VTI1A: variants seen among roughly 807,000 people sequenced by gnomAD.
VTI1A encodes vesicle transport through interaction with t-SNAREs 1A.
A neutral mutation model predicts 34.9 loss-of-function variants in VTI1A; 22 were observed. The observed-to-expected ratio is 0.63, with a 90% CI of 0.45 to 0.90. The LOEUF is 0.90. Among genes scored for constraint, VTI1A ranks in the 40% least tolerant of loss-of-function variants. VTI1A has a pLI of 0.00. For missense variants in VTI1A, 268 were observed against 275.6 expected (o/e 0.97, Z 0.20); for synonymous variants, 87 against 97.3 (o/e 0.89, Z 0.62).
chr10:112,733,262 A>C (rs1209629575), intron 7 of VTI1A, among the ~76,000 whole-genome samples: 1 of 152,012 alleles, frequency 6.6e-6, no homozygotes, highest in Non-Finnish European at 1.5e-5. Context: ...AATTCATATG[A>C]AATTAACCAT....
rs1853497217 is a variant in VTI1A at position 112,815,639 on chromosome 10, T to C, written c.*256T>C. On this transcript the variant is annotated 3_prime_UTR_variant, in exon 8 of 8. Coordinates refer to ENST00000393077, the MANE Select transcript of VTI1A (RefSeq NM_145206.4). The stretch of plus-strand genomic sequence containing the variant: ...GAAGGTGAATGTTTATTTACCTTTT[T>C]GCTAATGTCATCAACTAGCCAAAAT... 3 of 495,910 alleles carry C rather than the reference T, an allele frequency of 6.0e-6. No individual in the cohort carries two copies. Among genetic ancestry groups the C allele is most frequent in the Admixed American group, 3.3e-5 (1 of 29,888 alleles). The allele number at this position is 495,910 out of a possible 1,614,324, so 30.7% of individuals were successfully genotyped here. A position where few individuals can be genotyped will look rare whatever the true frequency, so the allele number is the denominator to read the frequency against.
At chr10:112,843,699 G>A in the VTI1A span, among the ~76,000 whole-genome samples, 1 of 152,142 alleles carries the variant, frequency 6.6e-6, no homozygotes, top group Non-Finnish European at 1.5e-5. Flanking sequence ...AGGAAGCCGT[G>A]GGGGTCTCCA....
intron 7 of VTI1A, among the ~76,000 whole-genome samples, chr10:112,770,234 G>A (rs182862255): frequency 1.5e-3 from 233 of 152,144 alleles, no homozygotes; most frequent in Non-Finnish European, 2.8e-3. Context: ...CAGATGGCAA[G>A]TAACTGGCCT....
chr10:112,766,982 T>C (rs891092060), intron 7 of VTI1A, among the ~76,000 whole-genome samples: 1 of 152,204 alleles, frequency 6.6e-6, no homozygotes, highest in African/African-American at 2.4e-5. Context: ...CAGGTGTTAG[T>C]TATTTAAATC....
chr10:112,561,078 T>C (rs1488183336), intron 5 of VTI1A, among the ~76,000 whole-genome samples: 2 of 152,134 alleles, frequency 1.3e-5, no homozygotes, highest in Non-Finnish European at 2.9e-5. Context: ...AAAAAAAATA[T>C]TTTTTTAAAA....
chr10:112,574,302 C>G (rs546017375), intron 5 of VTI1A, among the ~76,000 whole-genome samples: 1 of 152,292 alleles, frequency 6.6e-6, no homozygotes. Context: ...GCATTTGTAG[C>G]TCAGAACAAG....
chr10:112,589,243 G>A (rs1844284164), intron 5 of VTI1A, among the ~76,000 whole-genome samples: 1 of 152,082 alleles, frequency 6.6e-6, no homozygotes, highest in Admixed American at 6.5e-5. Context: ...TGTTGTGGGA[G>A]GGACCCGAAT....
intron 7 of VTI1A, among the ~76,000 whole-genome samples, chr10:112,760,022 C>T (rs967919212): frequency 2.0e-5 from 3 of 152,200 alleles, no homozygotes; most frequent in Non-Finnish European, 4.4e-5. Context: ...CCATCTCAGC[C>T]TGGGTTGCAA....
intron 5 of VTI1A, among the ~76,000 whole-genome samples, chr10:112,617,938 G>A (rs1358634395): frequency 6.6e-6 from 1 of 152,080 alleles, no homozygotes; most frequent in African/African-American, 2.4e-5. Context: ...CTGGATTACC[G>A]AGGTCAGCGG....
Position 112,816,868 on chromosome 10 carries a change from A to G in VTI1A, c.*1485A>G, listed in dbSNP as rs1337692947. On this transcript the variant is annotated 3_prime_UTR_variant, in exon 8 of 8. Coordinates refer to ENST00000393077, the MANE Select transcript of VTI1A (RefSeq NM_145206.4). ...GTTTAGAGAGGAAATGCAGAATGGC[A>G]GAATCCACCAGAGAAATTGCACTTA... is the stretch of plus-strand genomic sequence containing the variant. 1 of 230,106 alleles carries G rather than the reference A, an allele frequency of 4.3e-6. No homozygotes were observed. Among genetic ancestry groups the G allele is most frequent in the Non-Finnish European group, 8.6e-6 (1 of 116,042 alleles). 14.3% of individuals were successfully genotyped at this position (230,106 alleles called of 1,614,324 possible).
chr10:112,641,106 T>A (rs1590012883), intron 5 of VTI1A, among the ~76,000 whole-genome samples: 1 of 144,702 alleles, frequency 6.9e-6, no homozygotes. Context: ...TGAGAGGGGG[T>A]GTAGTTGGGG....
At chr10:112,533,473 C>A in intron 4 of VTI1A, 1 of 980,814 alleles carries the variant, frequency 1.0e-6, no homozygotes, top group Non-Finnish European at 1.2e-6. Flanking sequence ...GACAACTGAT[C>A]TTTCTTTCCT....
chr10:112,589,018 C>T (rs1312667618), intron 5 of VTI1A, among the ~76,000 whole-genome samples: 16 of 129,240 alleles, frequency 1.2e-4, no homozygotes, highest in East Asian at 2.3e-4. Context: ...GACTCCTTGT[C>T]TTTTTTTTTT....
At chr10:112,750,538 G>A (rs1851064378) in intron 7 of VTI1A, among the ~76,000 whole-genome samples, 1 of 152,074 alleles carries the variant, frequency 6.6e-6, no homozygotes, top group Non-Finnish European at 1.5e-5. Flanking sequence ...TCTGTGTCTT[G>A]TGCAACACTC....
At chr10:112,744,403 G>A (rs371602421) in intron 7 of VTI1A, among the ~76,000 whole-genome samples, 16 of 151,744 alleles carry the variant, frequency 1.1e-4, no homozygotes, top group African/African-American at 1.7e-4. Flanking sequence ...AGATTCTGCC[G>A]GAAGTGATAT....
the VTI1A span, among the ~76,000 whole-genome samples, chr10:112,847,212 C>A: frequency 6.6e-6 from 1 of 152,140 alleles, no homozygotes; most frequent in South Asian, 2.1e-4. Context: ...GGGGTCTCTC[C>A]TCCCTCAGTA....
At chr10:112,563,421 C>G (rs1050456065) in intron 5 of VTI1A, among the ~76,000 whole-genome samples, 1 of 152,088 alleles carries the variant, frequency 6.6e-6, no homozygotes, top group Non-Finnish European at 1.5e-5. Flanking sequence ...ATTCATTCAT[C>G]ATATAAAAAA....
chr10:112,464,410 T>C (rs1475053783), intron 2 of VTI1A, 137 bp from the exon 3 acceptor site: 1 of 686,596 alleles, frequency 1.5e-6, no homozygotes, highest in Middle Eastern at 2.6e-4. Flanking sequence ...TTCAGTGTTA[T>C]TTGATCATTC....
chr10:112,692,919 G>C (rs1006802956), intron 7 of VTI1A, among the ~76,000 whole-genome samples: 2 of 152,168 alleles, frequency 1.3e-5, no homozygotes, highest in East Asian at 1.9e-4. Flanking sequence ...TTTCATCTCT[G>C]CCTCACCGTG....
Sources: gnomAD v4.1 joint callset for allele counts (sites outside exome capture counted in the v4.1 genomes callset) on GRCh38, gnomAD v4.1.1 for gene constraint, MANE v1.5 for transcripts, NCBI Gene and HGNC (gene_info 2026-07-23, HGNC 2026-07-21) for gene names.